Variants in CCDC38 observed in about 807,000 individuals in gnomAD.
CCDC38 encodes the protein coiled-coil domain containing 38.
In CCDC38, 69 loss-of-function variants were observed where a neutral mutation model predicts 72.8. The observed-to-expected ratio is 0.95, with a 90% CI of 0.78 to 1.16. The LOEUF (loss-of-function observed/expected upper bound fraction) is 1.16, where lower values mean the gene tolerates loss of function less well. CCDC38 is among the 50% of genes most tolerant of loss of function. The pLI, the probability that CCDC38 is intolerant of heterozygous loss-of-function variation, is 0.00. For synonymous variants in CCDC38, 201 were observed against 213.2 expected (o/e 0.94, Z 0.50); for missense variants, 626 against 638.9 (o/e 0.98, Z 0.22).
chr12:95,939,735 T>C (rs78047327), intron 1 of CCDC38, among the ~76,000 whole-genome samples: 2,127 of 152,362 alleles, frequency 0.014, 19 homozygotes, highest in Non-Finnish European at 0.021. Flanking sequence ...GGGTGTAATG[T>C]ATACTGTTCT....
chr12:95,941,899 A>G (rs1249211368), intron 1 of CCDC38, among the ~76,000 whole-genome samples: 1 of 126,008 alleles, frequency 7.9e-6, no homozygotes, highest in Admixed American at 9.6e-5. Flanking sequence ...CATTGTCTAT[A>G]TATTTTCCAA....
chr12:95,917,222 A>T lies in CCDC38; in HGVS notation c.211T>A (p.Tyr71Asn). ...GGGTAGAAAGCTAGTTGGCTCAGGT[A>T]TGAATGACTCTTCATTCTGGATGAA... ...TFSSRMKSHSYLSQLAFYPKR... is the reference protein window; with the variant it reads ...TFSSRMKSHSNLSQLAFYPKR... The change falls in exon 4 of 16, where the codon TAC (tyrosine) becomes AAC (asparagine). Residue 71 changes from tyrosine (Y) to asparagine (N), a missense_variant. Physicochemically the swap from Tyr to Asn is moderately radical, Grantham distance 143. Transcript: ENST00000344280. 2 of 1,610,208 alleles carry T rather than the reference A, an allele frequency of 1.2e-6. No individual in the cohort carries two copies. Among genetic ancestry groups the T allele is most frequent in the Non-Finnish European group, 1.7e-6 (2 of 1,179,260 alleles).
intron 13 of CCDC38, among the ~76,000 whole-genome samples, chr12:95,877,535 GT>G (rs1456760516): frequency 6.6e-6 from 1 of 152,124 alleles, no homozygotes. Flanking sequence ...TTCATTTGAG[GT>G]TTTTATAAGG....
At chr12:95,913,557 T>C (rs559989846) in intron 4 of CCDC38, among the ~76,000 whole-genome samples, 1 of 152,324 alleles carries the variant, frequency 6.6e-6, no homozygotes, top group Admixed American at 6.5e-5. Flanking sequence ...GAAGGATAAT[T>C]AAACCTCTGT....
In CCDC38 at chr12:95,867,099, CT is replaced by C; in HGVS notation, c.1668del (p.Glu557ArgfsTer9). The C allele has an allele frequency of 1.3e-6, 2 of 1,592,776 alleles. No individual in the cohort carries two copies. Among genetic ancestry groups the C allele is most frequent in the South Asian group, 2.2e-5 (2 of 89,850 alleles). ...ATTCAAGTAAAAAAATATTCTTCCT[CT>C]TGTGATTTTGTTTTTGTTTCATTGA... ...PLVNETKTKSQEEEYFFT is the reference protein window; with the variant it reads ...PLVNETKTKSXEEEYFFT On this transcript the variant is annotated frameshift_variant, in exon 16 of 16. Transcript: ENST00000344280. LOFTEE classifies it high-confidence loss of function.
intron 8 of CCDC38, among the ~76,000 whole-genome samples, chr12:95,894,561 A>T (rs2079865109): frequency 6.6e-6 from 1 of 152,124 alleles, no homozygotes; most frequent in African/African-American, 2.4e-5. Context: ...CTTAGTTTCC[A>T]CAAGAGCTCC....
Position 95,896,034 on chromosome 12 carries a change from C to T in CCDC38, c.615-888G>A, listed in dbSNP as rs575563407. On this transcript the variant is annotated intron_variant, in intron 7 of 15. Coordinates refer to ENST00000344280, the MANE Select transcript of CCDC38 (RefSeq NM_182496.3). ...TCACGTCACTGCACTCCAGCCTGGG[C>T]GACAGAACAAGACTCTGTCTCAAAA... 1.1e-4 allele frequency among the ~76,000 whole-genome samples: 14 copies of T among 127,884 alleles called. No homozygotes were observed. The South Asian group carries it at 1.2e-3, about 11-fold the overall frequency. The allele number at this position is 127,884 out of a possible 152,430, so 83.9% of individuals were successfully genotyped here.
At chr12:95,909,832 C>A (rs373863480) in intron 4 of CCDC38, among the ~76,000 whole-genome samples, 2 of 152,274 alleles carry the variant, frequency 1.3e-5, no homozygotes, top group East Asian at 1.9e-4. Context: ...CCAGAAAAAG[C>A]ATTCAATAAA....
intron 2 of CCDC38, chr12:95,933,803 T>C (rs1002447559): frequency 2.0e-5 from 3 of 152,158 alleles, no homozygotes; most frequent in Admixed American, 6.5e-5. Flanking sequence ...AACTGTAAAC[T>C]ATGGTACATT....
intron 9 of CCDC38, 39 bp downstream of exon 9, chr12:95,890,793 C>T (rs765246811): frequency 3.2e-6 from 4 of 1,260,250 alleles, no homozygotes; most frequent in Middle Eastern, 2.1e-4. Context: ...TGGACACATT[C>T]GCAGGTTTTA....
At chr12:95,922,032 G>C (rs755866314) in intron 2 of CCDC38, among the ~76,000 whole-genome samples, 34 of 152,198 alleles carry the variant, frequency 2.2e-4, no homozygotes, top group Non-Finnish European at 2.6e-4. Flanking sequence ...GTGGACCAAA[G>C]TTTAAGGAAT....
chr12:95,873,366 G>T (rs2079602194), intron 13 of CCDC38, among the ~76,000 whole-genome samples: 1 of 152,150 alleles, frequency 6.6e-6, no homozygotes, highest in African/African-American at 2.4e-5. Flanking sequence ...AAAGTTGCAA[G>T]CAAACAGGTA....
At chr12:95,921,179 G>T (rs902011028) in intron 2 of CCDC38, among the ~76,000 whole-genome samples, 3 of 151,382 alleles carry the variant, frequency 2.0e-5, no homozygotes, top group African/African-American at 7.3e-5. Context: ...TTGAATTTCT[G>T]CATGGACTTC....
intron 8 of CCDC38, among the ~76,000 whole-genome samples, chr12:95,892,206 G>A (rs1194214610): frequency 6.7e-6 from 1 of 148,610 alleles, no homozygotes; most frequent in Non-Finnish European, 1.5e-5. Flanking sequence ...GTCTGGTCCT[G>A]GTTACCCCAA....
At chr12:95,907,889 C>T (rs976689583) in intron 4 of CCDC38, among the ~76,000 whole-genome samples, 1 of 150,912 alleles carries the variant, frequency 6.6e-6, no homozygotes, top group Admixed American at 6.6e-5. Flanking sequence ...GGATGGCGGC[C>T]GGGAAGAGGC....
intron 1 of CCDC38, among the ~76,000 whole-genome samples, chr12:95,938,428 T>C (rs2080416158): frequency 6.6e-6 from 1 of 152,226 alleles, no homozygotes. Context: ...TTCACTCTCC[T>C]TCCCACTCTC....
intron 2 of CCDC38, 101 bp from the exon 3 acceptor site, chr12:95,919,077 A>C: frequency 1.4e-6 from 1 of 736,752 alleles, no homozygotes; most frequent in Non-Finnish European, 2.3e-6. Context: ...AATGGGATGC[A>C]GGGATCTCTG....
At chr12:95,880,966 A>AT (rs1363778836) in intron 11 of CCDC38, among the ~76,000 whole-genome samples, 1 of 151,982 alleles carries the variant, frequency 6.6e-6, no homozygotes, top group Non-Finnish European at 1.5e-5. Context: ...AAAATGGTAA[A>AT]TTTTTTACAT....
At chr12:95,899,157 A>T (rs983832171) in intron 5 of CCDC38, among the ~76,000 whole-genome samples, 1 of 152,240 alleles carries the variant, frequency 6.6e-6, no homozygotes, top group Admixed American at 6.5e-5. Context: ...CCAGTGATGC[A>T]TTCCTGGGAG....
Sources: allele counts gnomAD v4.1 joint callset (sites outside exome capture counted in the v4.1 genomes callset), GRCh38; gene constraint gnomAD v4.1.1; transcripts MANE v1.5; gene names NCBI Gene and HGNC (gene_info 2026-07-23, HGNC 2026-07-21).